Variants in PHLDB3 observed in about 807,000 individuals in gnomAD.
The protein encoded by PHLDB3 is pleckstrin homology-like domain family B member 3.
A neutral mutation model predicts 85.7 loss-of-function variants in PHLDB3; 86 were observed. That is an observed-to-expected ratio of 1.00 (90% CI 0.84 to 1.20). PHLDB3 has a LOEUF of 1.20. PHLDB3 is among the 50% of genes most tolerant of loss of function. The pLI, the probability that PHLDB3 is intolerant of heterozygous loss-of-function variation, is 0.00. For synonymous variants in PHLDB3, 376 were observed against 349.8 expected (o/e 1.07, Z -0.83); for missense variants, 995 against 873.0 (o/e 1.14, Z -1.76).
At chr19:43,493,269 ACT>A (rs1428153494) in intron 9 of PHLDB3, among the ~76,000 whole-genome samples, 3 of 138,382 alleles carry the variant, frequency 2.2e-5, no homozygotes, top group Non-Finnish European at 3.1e-5. Context: ...TAAGAGTGAA[ACT>A]CTGTCTCAGA....
intron 8 of PHLDB3, 79 bp from the exon 9 acceptor site, chr19:43,494,894 T>C: frequency 1.1e-6 from 1 of 947,714 alleles, no homozygotes; most frequent in Non-Finnish European, 1.6e-6. Flanking sequence ...CTCTGGCCCA[T>C]GCCTCTAGTG....
intron 13 of PHLDB3, 52 bp from the exon 14 acceptor site, chr19:43,479,645 GC>G: frequency 7.6e-7 from 1 of 1,324,438 alleles, no homozygotes; most frequent in South Asian, 1.3e-5. Context: ...GGATTCTACA[GC>G]CTGGAGCCCC....
chr19:43,476,298 C>A lies in PHLDB3; in HGVS notation c.1789-754G>T, dbSNP rs568920063. Among the ~76,000 whole-genome samples, 4 of 152,260 alleles carry A rather than the reference C, an allele frequency of 2.6e-5. No homozygotes were observed. The South Asian group carries it at 8.3e-4, about 32-fold the overall frequency. The stretch of plus-strand genomic sequence containing the variant: ...CTTATGTCCATAATCTGTTTTTAGC[C>A]CTCTCAATAACCCTGATGGAATGGG... On this transcript the variant is annotated intron_variant, in intron 15 of 15. Coordinates refer to ENST00000292140, the MANE Select transcript of PHLDB3 (RefSeq NM_198850.4).
At chr19:43,502,539 C>T (rs1971637386) in intron 2 of PHLDB3, among the ~76,000 whole-genome samples, 1 of 151,048 alleles carries the variant, frequency 6.6e-6, no homozygotes, top group Non-Finnish European at 1.5e-5. Flanking sequence ...GCATCGACCT[C>T]CCTCGCTCAA....
chr19:43,477,576 A>G (rs1599930118), intron 15 of PHLDB3, among the ~76,000 whole-genome samples: 2 of 143,174 alleles, frequency 1.4e-5, no homozygotes, highest in African/African-American at 2.7e-5. Flanking sequence ...CAGAACTTTG[A>G]GAGGCTGAGG....
chr19:43,487,723 G>GAATGGAGGGTGGAAGGTTGCCC (rs1971214197), intron 9 of PHLDB3, among the ~76,000 whole-genome samples: 1 of 152,006 alleles, frequency 6.6e-6, no homozygotes, highest in Non-Finnish European at 1.5e-5. Flanking sequence ...TCTTTTGGGG[G>GAATGGAGGGTGGAAGGTTGCCC]ATAATGAAAA....
chr19:43,504,200 G>T, intron 1 of PHLDB3, 68 bp from the exon 2 acceptor site: 1 of 1,390,756 alleles, frequency 7.2e-7, no homozygotes, highest in Non-Finnish European at 9.5e-7. Context: ...GCTCGCGTCT[G>T]CTCCGGGGCG....
chr19:43,500,056 A>T (rs77383288), intron 4 of PHLDB3, among the ~76,000 whole-genome samples: 1 of 152,118 alleles, frequency 6.6e-6, no homozygotes, highest in South Asian at 2.1e-4. Context: ...CCTGACCAGC[A>T]TGGAGAAACC....
rs934539163 is a variant in PHLDB3 at position 43,497,158 on chromosome 19, G to C, written c.785C>G (p.Pro262Arg). 7 of 1,555,098 alleles carry C rather than the reference G, an allele frequency of 4.5e-6. No homozygotes were observed. In the Admixed American group the frequency reaches 1.2e-4, roughly 26 times the overall value. Residue 262 changes from proline to arginine, a missense_variant, in exon 6 of 16, where the codon CCC becomes CGC. Physicochemically the swap from Pro to Arg is moderately radical, Grantham distance 103. Coordinates refer to ENST00000292140, the MANE Select transcript of PHLDB3 (RefSeq NM_198850.4). ...RDSPGPQVPD[P>R]KVQELQASMA... is the part of the protein sequence containing the mutation. ...GCTGGCCTGGAGTTCCTGGACCTTG[G>C]GGTCTGGCACCTGGGGCCCAGGGCT...
chr19:43,475,518 G>T lies in PHLDB3; in HGVS notation c.1815C>A (p.Cys605Ter). Residue 605 changes from cysteine (C) to a stop codon, truncating the protein, a stop_gained, in exon 16 of 16, where the codon TGC becomes TGA. Coordinates refer to ENST00000292140, the MANE Select transcript of PHLDB3 (RefSeq NM_198850.4). LOFTEE classifies it high-confidence loss of function. ...FKSPNPRLTF[C>*]VKTYERLFYM... ...AGAAAAGGCGTTCGTAGGTTTTGACGCAGAAGGTCAGGCGGGGGTTGGGGC... is the reference window on the plus strand; with the variant it reads ...AGAAAAGGCGTTCGTAGGTTTTGACTCAGAAGGTCAGGCGGGGGTTGGGGC... 6.2e-7 allele frequency: 1 copy of T among 1,613,966 alleles called. No homozygotes were observed. Among genetic ancestry groups the T allele is most frequent in the Non-Finnish European group, 8.5e-7 (1 of 1,179,880 alleles).
At chr19:43,501,567 A>C in intron 4 of PHLDB3, 167 bp downstream of exon 4, 1 of 1,308,550 alleles carries the variant, frequency 7.6e-7, no homozygotes, top group South Asian at 1.5e-5. Context: ...TCGCCCAGGG[A>C]GGGAGAAGGA....
rs1399530067 is a variant in PHLDB3, at chr19:43,503,977, C to A, written c.142G>T (p.Gly48Trp). The A allele has an allele frequency of 1.2e-6, 2 of 1,613,976 alleles. No individual in the cohort carries two copies. The highest frequency in any genetic ancestry group is 4.5e-5 in the East Asian group (2 of 44,888). The change falls in exon 2 of 16, where the codon GGG (glycine) becomes TGG (tryptophan). Residue 48 changes from glycine (G) to tryptophan (W), a missense_variant. Transcript: ENST00000292140. The stretch of plus-strand genomic sequence containing the variant: ...TCCTCTGCCTGCTGCTCAGCTCCCC[C>A]GCGGCTCGAAGGTTCCGCCAGGACT... ...SEVLAEPSSRGGAEQQAEEEE... is the reference protein window; with the variant it reads ...SEVLAEPSSRWGAEQQAEEEE...
chr19:43,487,591 A>AAAAAAAAAAAAC (rs1167897767), intron 9 of PHLDB3, among the ~76,000 whole-genome samples: 21 of 115,786 alleles, frequency 1.8e-4, no homozygotes, highest in South Asian at 5.4e-4. Context: ...AAAAAAAAAA[A>AAAAAAAAAAAAC]ACACAGAAAA....
chr19:43,496,016 CTTT>C (rs199561319), intron 6 of PHLDB3: 70 of 140,068 alleles, frequency 5.0e-4, no homozygotes, highest in South Asian at 1.6e-3. Context: ...AAGAAAAGCT[CTTT>C]TTTTTTTTTT....
intron 15 of PHLDB3, among the ~76,000 whole-genome samples, chr19:43,477,237 C>CTGA (rs1467836297): frequency 6.6e-6 from 1 of 152,008 alleles, no homozygotes; most frequent in African/African-American, 2.4e-5. Flanking sequence ...TTAACAGTGA[C>CTGA]AGGCCAGGTG....
At chr19:43,498,365 A>G (rs1421569267) in intron 4 of PHLDB3, among the ~76,000 whole-genome samples, 1 of 151,788 alleles carries the variant, frequency 6.6e-6, no homozygotes, top group Non-Finnish European at 1.5e-5. Flanking sequence ...AAAAGACAGA[A>G]AAGAAAGAAA....
In PHLDB3 at chr19:43,501,811, G is replaced by A. The variant is rs979229133; in HGVS notation, c.457C>T (p.Arg153Trp). 5 of 1,588,264 alleles carry A rather than the reference G, an allele frequency of 3.1e-6. No homozygotes were observed. Among genetic ancestry groups the A allele is most frequent in the Non-Finnish European group, 3.4e-6 (4 of 1,168,670 alleles). The change falls in exon 4 of 16, where the codon CGG becomes TGG. Residue 153 changes from arginine (R) to tryptophan (W), a missense_variant. Transcript: ENST00000292140. The stretch of plus-strand genomic sequence containing the variant: ...AGCTCCCGCAGCTGCTCCTCCTCCC[G>A]GCGAGCGGCCACTCGCTCCCCAGCC... ...ELAGERVAAR[R>W]EEEQLRELLE...
rs972521525 is a variant in PHLDB3, at chr19:43,477,416, C to G, written c.1788+631G>C. Among the ~76,000 whole-genome samples the G allele has an allele frequency of 1.3e-4, 19 of 150,804 alleles. 1 individual carries two copies. The highest frequency in any genetic ancestry group is 3.7e-4 in the African/African-American group (15 of 40,494). On this transcript the variant is annotated intron_variant, in intron 15 of 15. Transcript: ENST00000292140. ...CCTGTAATCCCAACTACTTGGGAGG[C>G]TGAGGCAGGAGAATCGCTTGAACCC...
chr19:43,476,345 C>T (rs149086404), intron 15 of PHLDB3, among the ~76,000 whole-genome samples: 80 of 152,202 alleles, frequency 5.3e-4, no homozygotes, highest in East Asian at 3.9e-4. Context: ...CCATTCTACA[C>T]GTGAGAAAAC....
Sources: allele counts gnomAD v4.1 joint callset (sites outside exome capture counted in the v4.1 genomes callset), GRCh38; gene constraint gnomAD v4.1.1; transcripts MANE v1.5; gene names NCBI Gene and HGNC (gene_info 2026-07-23, HGNC 2026-07-21).